The following TAF4 variants were observed in gnomAD, a reference collection of about 807,000 sequenced individuals.
TAF4 encodes transcription initiation factor TFIID subunit 4.
Under a neutral mutation model 90.3 loss-of-function variants are expected in TAF4, and 9 were observed. That is an observed-to-expected ratio of 0.10 (90% CI 0.06 to 0.17). TAF4 has a LOEUF of 0.17. TAF4 is among the 10% of genes least tolerant of loss of function. The probability of loss-of-function intolerance (pLI) is 1.00; values close to 1 mark genes in which losing one functional copy is unlikely to be tolerated. For synonymous variants in TAF4, 818 were observed against 638.9 expected (o/e 1.28, Z -4.23); for missense variants, 1,351 against 1,370.7 (o/e 0.99, Z 0.23).
At chr20:62,049,210 C>A (rs2056012286) in intron 1 of TAF4, among the ~76,000 whole-genome samples, 1 of 152,110 alleles carries the variant, frequency 6.6e-6, no homozygotes, top group Non-Finnish European at 1.5e-5. Context: ...CCCCCACTAT[C>A]CCCACCATCA....
intron 14 of TAF4, among the ~76,000 whole-genome samples, chr20:61,977,126 C>T (rs2055500126): frequency 6.8e-6 from 1 of 147,008 alleles, no homozygotes; most frequent in Non-Finnish European, 1.5e-5. Context: ...CACGACACCG[C>T]CCAGCGGGGC....
chr20:62,014,035 T>TGTGG (rs1568932225), intron 2 of TAF4, among the ~76,000 whole-genome samples: 2,882 of 138,852 alleles, frequency 0.021, 117 homozygotes, highest in African/African-American at 0.084. Context: ...TGTGTGTGTG[T>TGTGG]GTGTGTGTGT....
At chr20:62,062,489 A>G (rs2056094939) in intron 1 of TAF4, among the ~76,000 whole-genome samples, 1 of 152,026 alleles carries the variant, frequency 6.6e-6, no homozygotes. Flanking sequence ...CCATGAAGAG[A>G]TGGGGTAAAT....
At chr20:62,016,549 C>T (rs145278106) in intron 1 of TAF4, among the ~76,000 whole-genome samples, 4 of 152,362 alleles carry the variant, frequency 2.6e-5, no homozygotes, top group Non-Finnish European at 5.9e-5. Flanking sequence ...CCTGGCCTTA[C>T]ACCAGTGGTT....
At chr20:61,993,587 G>A (rs1278925179) in intron 14 of TAF4, among the ~76,000 whole-genome samples, 4 of 152,180 alleles carry the variant, frequency 2.6e-5, no homozygotes, top group Admixed American at 6.5e-5. Context: ...CCAGTGTCTC[G>A]CTGCACAACT....
At chr20:62,062,307 G>C (rs535331835) in intron 1 of TAF4, among the ~76,000 whole-genome samples, 3 of 152,114 alleles carry the variant, frequency 2.0e-5, no homozygotes, top group Non-Finnish European at 4.4e-5. Context: ...GAAGTAACCA[G>C]AGTATTTGCA....
chr20:61,985,302 G>A (rs1463985789), intron 14 of TAF4, among the ~76,000 whole-genome samples: 1 of 151,958 alleles, frequency 6.6e-6, no homozygotes, highest in Non-Finnish European at 1.5e-5. Context: ...AGGAAGCCAG[G>A]CCTGGTTGTG....
intron 1 of TAF4, among the ~76,000 whole-genome samples, chr20:62,061,045 C>T (rs187308198): frequency 3.9e-5 from 6 of 152,318 alleles, no homozygotes; most frequent in Admixed American, 3.3e-4. Flanking sequence ...GCCAAGGCTC[C>T]GAGGAACAAC....
At position 62,064,455 on chromosome 20, in the gene TAF4, G is replaced by A. The variant is rs1377646614; in HGVS notation, c.1356C>T (p.Pro452=). ...NPTNIQNFQL[P]PGMVLVRSEN... is the part of the protein sequence containing the mutation. ...CCGCCCCGTGCGGCCACTCACCTGG[G>A]GGCAGCTGGAAGTTCTGGATGTTGG... Residue 452 remains proline, a synonymous_variant, in exon 1 of 15, where the codon CCC becomes CCT. Transcript: ENST00000252996. 25 of 1,440,970 alleles carry A rather than the reference G, an allele frequency of 1.7e-5. No homozygotes were observed. Among genetic ancestry groups the A allele is most frequent in the Admixed American group, 2.6e-5 (1 of 37,832 alleles). The allele number at this position is 1,440,970 out of a possible 1,614,324, so 89.3% of individuals were successfully genotyped here.
intron 14 of TAF4, among the ~76,000 whole-genome samples, chr20:61,986,624 A>G (rs578010018): frequency 2.0e-5 from 3 of 152,284 alleles, no homozygotes; most frequent in Non-Finnish European, 2.9e-5. Flanking sequence ...GTGGTGTCAT[A>G]AAGTCACCAA....
chr20:61,987,150 G>C (rs923091682), intron 14 of TAF4, among the ~76,000 whole-genome samples: 1 of 152,294 alleles, frequency 6.6e-6, no homozygotes, highest in South Asian at 2.1e-4. Context: ...CACGCCAGCC[G>C]GCCCGCGGCA....
At position 62,006,266 on chromosome 20, in the gene TAF4, G is replaced by A. The variant is rs550344980; in HGVS notation, c.2223+244C>T. 4.4e-5 allele frequency: 19 copies of A among 432,826 alleles called. No individual in the cohort carries two copies. The highest frequency in any genetic ancestry group is 2.6e-4 in the African/African-American group (13 of 49,190). 26.8% of individuals were successfully genotyped at this position (432,826 alleles called of 1,614,324 possible). On this transcript the variant is annotated intron_variant, in intron 7 of 14. Transcript: ENST00000252996. The surrounding 1 kb of genome is among the most constrained non-coding windows in gnomAD (Gnocchi z 7.0). ...GTAACATCCCCAGACAAGGCAGGGC[G>A]GGGACGTGCCGGTGGTTCAAAGCCA...
Position 62,006,754 on chromosome 20 carries a change from C to A in TAF4, c.1979G>T (p.Ser660Ile). The change falls in exon 7 of 15, where the codon AGC (serine) becomes ATC (isoleucine). Residue 660 changes from serine to isoleucine, a missense_variant. By Grantham distance (142) the Ser-to-Ile change is moderately radical (BLOSUM62 -2). Coordinates refer to ENST00000252996, the MANE Select transcript of TAF4 (RefSeq NM_003185.4). This position sits in a 1 kb window ranked among gnomAD's most constrained non-coding sequence, Gnocchi z 7.0. ...QPYLVPFLKR[S>I]LPALRQLTPD... ...GGTCAGCTGTCTCAAGGCGGGTAAGCTCCTCTGGGTGGAAAGACAGACACG... is the reference window on the plus strand; with the variant it reads ...GGTCAGCTGTCTCAAGGCGGGTAAGATCCTCTGGGTGGAAAGACAGACACG... 6.6e-7 allele frequency: 1 copy of A among 1,513,302 alleles called. No individual in the cohort carries two copies. The highest frequency in any genetic ancestry group is 2.4e-5 in the East Asian group (1 of 41,208). The allele number at this position is 1,513,302 out of a possible 1,614,324, so 93.7% of individuals were successfully genotyped here.
In TAF4 at chr20:61,997,645, T is replaced by C; in HGVS notation, c.2995A>G (p.Met999Val). ...GTGAGGTTGGCGTCCCGCTGTCTCA[T>C]TTGTGCCAGTTCCTGTTGCTGCATC... ...KEMQQQELAQ[M>V]RQRDANLTAL... is the part of the protein sequence containing the mutation. Residue 999 changes from methionine (M) to valine (V), a missense_variant, in exon 14 of 15, where the codon ATG (methionine) becomes GTG (valine). By Grantham distance (21) the Met-to-Val change is conservative (BLOSUM62 1). Transcript: ENST00000252996. The C allele has an allele frequency of 3.1e-6, 5 of 1,612,458 alleles. No homozygotes were observed. The highest frequency in any genetic ancestry group is 4.2e-6 in the Non-Finnish European group (5 of 1,179,544).
intron 14 of TAF4, among the ~76,000 whole-genome samples, chr20:61,990,973 C>T (rs2055627869): frequency 3.3e-5 from 5 of 152,030 alleles, no homozygotes; most frequent in Admixed American, 1.3e-4. Context: ...AGACAGGCTC[C>T]CATGAGAGAA....
chr20:62,008,910 A>G, intron 5 of TAF4, 142 bp downstream of exon 5: 1 of 1,154,692 alleles, frequency 8.7e-7, no homozygotes, highest in Non-Finnish European at 1.2e-6. Flanking sequence ...ACACGTGTGC[A>G]CCCCTCCCCT....
At chr20:61,990,700 C>T (rs1029133181) in intron 14 of TAF4, among the ~76,000 whole-genome samples, 6 of 152,162 alleles carry the variant, frequency 3.9e-5, no homozygotes, top group Non-Finnish European at 5.9e-5. Context: ...CAGGGCCTCA[C>T]GCAGGAGAGA....
At position 62,014,606 on chromosome 20, in the gene TAF4, T is replaced by C. The variant is rs1288574333; in HGVS notation, c.1462A>G (p.Met488Val). The C allele has an allele frequency of 1.9e-6, 3 of 1,614,022 alleles. No individual in the cohort carries two copies. Among genetic ancestry groups the C allele is most frequent in the East Asian group, 4.5e-5 (2 of 44,852 alleles). The change falls in exon 2 of 15, where the codon ATG becomes GTG. Residue 488 changes from methionine (M) to valine (V), a missense_variant. Physicochemically the swap from Met to Val is conservative, Grantham distance 21. Transcript: ENST00000252996. The part of the protein sequence containing the change: ...AQAHAQPQTT[M>V]APRPATPTSA... ...GTGGGGGTGGCAGGGCGAGGCGCCA[T>C]GGTGGTCTGAGGCTGGGCATGGGCC...
At chr20:62,022,699 G>A (rs1473919876) in intron 1 of TAF4, among the ~76,000 whole-genome samples, 1 of 152,202 alleles carries the variant, frequency 6.6e-6, no homozygotes, top group South Asian at 2.1e-4. Flanking sequence ...TCTGGCTAAA[G>A]CAAGTGTTCT....
Sources: gnomAD v4.1 joint callset for allele counts (sites outside exome capture counted in the v4.1 genomes callset) on GRCh38, gnomAD v4.1.1 for gene constraint, Gnocchi (gnomAD v3.1) non-coding constraint, MANE v1.5 for transcripts, NCBI Gene and HGNC (gene_info 2026-07-23, HGNC 2026-07-21) for gene names.